The following ARHGAP18 variants were observed in gnomAD, a reference collection of about 807,000 sequenced individuals.
ARHGAP18 encodes the protein rho GTPase-activating protein 18.
ARHGAP18 carries 67 observed loss-of-function variants against 86.2 expected under a neutral mutation model. That is an observed-to-expected ratio of 0.78 (90% CI 0.64 to 0.95). The LOEUF is 0.95. Ranked by LOEUF, ARHGAP18 falls within the 40% of genes least tolerant of loss-of-function variation. The probability of loss-of-function intolerance (pLI) is 0.00; values close to 1 mark genes in which losing one functional copy is unlikely to be tolerated. For missense variants in ARHGAP18, 691 were observed against 780.4 expected (o/e 0.89, Z 1.37); for synonymous variants, 283 against 280.4 (o/e 1.01, Z -0.09).
chr6:129,579,397 T>G (rs1379628826), intron 14 of ARHGAP18, among the ~76,000 whole-genome samples: 5 of 152,142 alleles, frequency 3.3e-5, no homozygotes, highest in African/African-American at 1.2e-4. Context: ...CCTACAAAAT[T>G]TATTGCAAAA....
In ARHGAP18 at chr6:129,629,308, T is replaced by C. The variant is rs984794232; in HGVS notation, c.786+45A>G. 4.0e-6 allele frequency: 6 copies of C among 1,517,228 alleles called. No homozygotes were observed. The African/African-American group carries it at 8.3e-5, about 21-fold the overall frequency. The allele number at this position is 1,517,228 out of a possible 1,614,324, so 94.0% of individuals were successfully genotyped here. ...ATGTATATGTGTGTGTGTATATATA[T>C]GTATATGTACATATATGTATATTTA... On this transcript the variant is annotated intron_variant, in intron 5 of 14. Transcript: ENST00000368149.
intron 1 of ARHGAP18, among the ~76,000 whole-genome samples, chr6:129,654,997 A>G (rs1380898008): frequency 6.6e-6 from 1 of 152,172 alleles, no homozygotes; most frequent in African/African-American, 2.4e-5. Context: ...ATCACTTCAG[A>G]AGAGATTAGT....
chr6:129,605,622 C>T (rs1054844400), intron 10 of ARHGAP18, among the ~76,000 whole-genome samples: 7 of 151,752 alleles, frequency 4.6e-5, no homozygotes, highest in South Asian at 4.2e-4. Context: ...CATTAACCGA[C>T]GAACCTCAAT....
intron 1 of ARHGAP18, among the ~76,000 whole-genome samples, chr6:129,691,334 C>T (rs1028318713): frequency 6.6e-6 from 1 of 152,110 alleles, no homozygotes; most frequent in African/African-American, 2.4e-5. Flanking sequence ...AACTAGTACT[C>T]GGGGGTGGGA....
intron 1 of ARHGAP18, among the ~76,000 whole-genome samples, chr6:129,699,892 G>A (rs1774683443): frequency 6.6e-6 from 1 of 151,906 alleles, no homozygotes; most frequent in Admixed American, 6.5e-5. Flanking sequence ...TGACTAGGAG[G>A]ACATAGCTTC....
Position 129,629,507 on chromosome 6 carries a change from A to G in ARHGAP18, c.632T>C (p.Leu211Pro), listed in dbSNP as rs1562700720. Residue 211 changes from leucine to proline, a missense_variant, in exon 5 of 15, where the codon CTT becomes CCT. Coordinates refer to ENST00000368149, the MANE Select transcript of ARHGAP18 (RefSeq NM_033515.3). ...TGGGATCAGCTTCTCTTCACCAACA[A>G]GGTTAGATGCCTCGTCTAGGGGCCC... The part of the protein sequence containing the change: ...YQGRDDEASN[L>P]VGEEKLIPPE... 6.2e-7 allele frequency: 1 copy of G among 1,612,538 alleles called. No individual in the cohort carries two copies. Among genetic ancestry groups the G allele is most frequent in the Non-Finnish European group, 8.5e-7 (1 of 1,179,366 alleles).
intron 5 of ARHGAP18, among the ~76,000 whole-genome samples, chr6:129,626,105 C>CATACACATAT: frequency 8.0e-6 from 1 of 124,920 alleles, no homozygotes; most frequent in Non-Finnish European, 1.6e-5. Flanking sequence ...CACACACACA[C>CATACACATAT]ATATATAGAA....
At chr6:129,625,670 TTATATTATATATATTTA>T (rs1330448363) in intron 5 of ARHGAP18, among the ~76,000 whole-genome samples, 1 of 42,402 alleles carries the variant, frequency 2.4e-5, no homozygotes, top group African/African-American at 8.4e-5. Context: ...TATATTTATA[TTATATTATATATATTTA>T]TATATTATAT....
intron 1 of ARHGAP18, among the ~76,000 whole-genome samples, chr6:129,707,251 A>G (rs148655172): frequency 1.3e-5 from 2 of 152,142 alleles, no homozygotes; most frequent in East Asian, 3.9e-4. Context: ...AAAAGGAAAC[A>G]ATTTTCAATA....
At chr6:129,692,578 G>A (rs1426323428) in intron 1 of ARHGAP18, among the ~76,000 whole-genome samples, 1 of 152,174 alleles carries the variant, frequency 6.6e-6, no homozygotes, top group Non-Finnish European at 1.5e-5. Flanking sequence ...AAGGCAGCAT[G>A]GGATGGCATC....
intron 8 of ARHGAP18, among the ~76,000 whole-genome samples, chr6:129,609,652 C>T (rs1788937288): frequency 6.6e-6 from 1 of 151,216 alleles, no homozygotes; most frequent in Admixed American, 6.6e-5. Flanking sequence ...ACAATGTCCA[C>T]TAGTGGCAAA....
intron 12 of ARHGAP18, among the ~76,000 whole-genome samples, chr6:129,593,636 C>T (rs1412428575): frequency 1.3e-5 from 2 of 152,106 alleles, no homozygotes; most frequent in Non-Finnish European, 2.9e-5. Context: ...TATCCTCAGG[C>T]CACATGACTT....
chr6:129,611,823 C>A (rs966494404), intron 7 of ARHGAP18, among the ~76,000 whole-genome samples: 14 of 152,166 alleles, frequency 9.2e-5, no homozygotes, highest in Admixed American at 8.5e-4. Flanking sequence ...CCTTATGCTA[C>A]TTTATAACAG....
At chr6:129,677,659 A>T (rs1774259641) in intron 1 of ARHGAP18, among the ~76,000 whole-genome samples, 1 of 152,256 alleles carries the variant, frequency 6.6e-6, no homozygotes, top group South Asian at 2.1e-4. Context: ...ATGTTTACAG[A>T]ACATTCAATG....
chr6:129,628,751 T>C (rs966873658), intron 5 of ARHGAP18, among the ~76,000 whole-genome samples: 1 of 152,114 alleles, frequency 6.6e-6, no homozygotes, highest in African/African-American at 2.4e-5. Flanking sequence ...GAGACTAACC[T>C]AGATTCAAGA....
At chr6:129,670,990 A>T (rs7766174) in intron 1 of ARHGAP18, among the ~76,000 whole-genome samples, 4,935 of 152,256 alleles carry the variant, frequency 0.032, 252 homozygotes, top group African/African-American at 0.11. Flanking sequence ...TCTTCAAATC[A>T]TAACATTTGC....
At chr6:129,676,912 CCTCTTTTTTTTTTTTTTTTTT>C (rs1458039899) in intron 1 of ARHGAP18, among the ~76,000 whole-genome samples, 32 of 103,862 alleles carry the variant, frequency 3.1e-4, no homozygotes, top group Admixed American at 8.1e-4. Flanking sequence ...AATTTTTTGT[CCTCTTTTTTTTTTTTTTTTTT>C]TTTTTTTTTT....
intron 1 of ARHGAP18, among the ~76,000 whole-genome samples, chr6:129,667,771 T>C (rs1264918403): frequency 1.3e-5 from 2 of 152,052 alleles, no homozygotes; most frequent in Non-Finnish European, 2.9e-5. Flanking sequence ...GACAGGAGTC[T>C]GATAATATCT....
intron 1 of ARHGAP18, among the ~76,000 whole-genome samples, chr6:129,644,103 GGGAATTA>G (rs1251969925): frequency 1.3e-5 from 2 of 152,160 alleles, no homozygotes; most frequent in Non-Finnish European, 2.9e-5. Context: ...GGCGATGGGT[GGGAATTA>G]GGACAGGGGC....
Sources: gnomAD v4.1 joint callset for allele counts (sites outside exome capture counted in the v4.1 genomes callset) on GRCh38, gnomAD v4.1.1 for gene constraint, MANE v1.5 for transcripts, NCBI Gene and HGNC (gene_info 2026-07-23, HGNC 2026-07-21) for gene names.